Variants in KLRG1 observed in about 807,000 individuals in gnomAD.
KLRG1 encodes the protein killer cell lectin-like receptor subfamily G member 1.
A neutral mutation model predicts 21.8 loss-of-function variants in KLRG1; 16 were observed. The observed-to-expected ratio is 0.73, with a 90% CI of 0.50 to 1.11. The LOEUF (loss-of-function observed/expected upper bound fraction) is 1.11, where lower values mean the gene tolerates loss of function less well. Ranked by LOEUF, KLRG1 falls within the 50% of genes most tolerant of loss-of-function variation. The probability of loss-of-function intolerance (pLI) is 0.00; values close to 1 mark genes in which losing one functional copy is unlikely to be tolerated. For missense variants in KLRG1, 173 were observed against 218.3 expected, an observed-to-expected ratio of 0.79 and a Z score of 1.31; for synonymous variants, 69 against 75.9, an observed-to-expected ratio of 0.91 and a Z score of 0.47.
At chr12:9,110,447 ATAATT>A in the KLRG1 span, 1 of 562,334 alleles carries the variant, frequency 1.8e-6, no homozygotes, top group African/African-American at 2.0e-5. Context: ...ATAGTAAAAA[ATAATT>A]TAATTGTACA....
At chr12:8,964,730 T>C (rs1273200626) in intron 1 of KLRG1, among the ~76,000 whole-genome samples, 1 of 150,766 alleles carries the variant, frequency 6.6e-6, no homozygotes, top group African/African-American at 2.4e-5. Flanking sequence ...CTGTATTGGG[T>C]GCATATATAT....
chr12:8,965,995 G>A (rs1946464621), intron 1 of KLRG1, among the ~76,000 whole-genome samples: 1 of 152,130 alleles, frequency 6.6e-6, no homozygotes, highest in Non-Finnish European at 1.5e-5. Context: ...CAGAGATATA[G>A]ACCAATGGAA....
chr12:9,059,859 T>G, the KLRG1 span, among the ~76,000 whole-genome samples: 1 of 151,914 alleles, frequency 6.6e-6, no homozygotes, highest in Non-Finnish European at 1.5e-5. Context: ...TTTGTGTTTT[T>G]GGTAGAGATG....
the KLRG1 span, among the ~76,000 whole-genome samples, chr12:9,183,834 T>A: frequency 1.3e-5 from 2 of 152,222 alleles, no homozygotes; most frequent in South Asian, 4.1e-4. Flanking sequence ...TTTATATCAC[T>A]ATGTGTTTAT....
At chr12:9,044,648 C>G in the KLRG1 span, among the ~76,000 whole-genome samples, 1 of 151,526 alleles carries the variant, frequency 6.6e-6, no homozygotes, top group African/African-American at 2.4e-5. Flanking sequence ...GCCTGGGCAA[C>G]AGAGTGAGAT....
the KLRG1 span, among the ~76,000 whole-genome samples, chr12:9,071,981 G>T: frequency 6.6e-6 from 1 of 152,094 alleles, no homozygotes; most frequent in Admixed American, 6.5e-5. Context: ...ATTGCCAGTA[G>T]GAATTCTAAC....
At chr12:9,027,846 T>C in the KLRG1 span, 1 of 995,708 alleles carries the variant, frequency 1.0e-6, no homozygotes, top group African/African-American at 1.6e-5. Flanking sequence ...ACTACCAAAG[T>C]TGTCACTCCC....
chr12:9,090,466 T>A, the KLRG1 span: 2 of 1,613,940 alleles, frequency 1.2e-6, no homozygotes, highest in Non-Finnish European at 1.7e-6. Context: ...GGGAGAGGCT[T>A]CCAGCTGCAC....
At chr12:8,981,515 T>C (rs1362526548) in intron 1 of KLRG1, among the ~76,000 whole-genome samples, 2 of 152,096 alleles carry the variant, frequency 1.3e-5, no homozygotes, top group Non-Finnish European at 2.9e-5. Flanking sequence ...TACCCATGGG[T>C]TATTCTTCAA....
chr12:9,199,408 G>C, the KLRG1 span, among the ~76,000 whole-genome samples: 1 of 152,102 alleles, frequency 6.6e-6, no homozygotes, highest in East Asian at 1.9e-4. Context: ...ATTTCCTGGA[G>C]TGGAAATTTC....
At chr12:9,150,774 A>G in the KLRG1 span, 1 of 1,375,402 alleles carries the variant, frequency 7.3e-7, no homozygotes, top group Non-Finnish European at 1.0e-6. Flanking sequence ...AGTAATCAAG[A>G]ACCTAGAAAA....
the KLRG1 span, among the ~76,000 whole-genome samples, chr12:9,119,403 ATAAT>A: frequency 6.6e-6 from 1 of 152,156 alleles, no homozygotes; most frequent in African/African-American, 2.4e-5. Flanking sequence ...GTGAAATCAA[ATAAT>A]TGATTGATTT....
At chr12:8,978,657 T>TTTCC (rs1013033542) in intron 1 of KLRG1, among the ~76,000 whole-genome samples, 7 of 70,652 alleles carry the variant, frequency 9.9e-5, no homozygotes, top group African/African-American at 2.3e-4. Context: ...TCTTTCTTTC[T>TTTCC]TTCTTTCTTT....
chr12:8,955,913 A>G (rs1253669098), intron 1 of KLRG1, among the ~76,000 whole-genome samples: 1 of 151,998 alleles, frequency 6.6e-6, no homozygotes, highest in Non-Finnish European at 1.5e-5. Context: ...AACTCCCGCA[A>G]TGCCTTTTAG....
chr12:9,155,438 T>A, the KLRG1 span, among the ~76,000 whole-genome samples: 1 of 152,222 alleles, frequency 6.6e-6, no homozygotes, highest in African/African-American at 2.4e-5. Context: ...TCTTTCCTGC[T>A]AATTCAACTC....
chr12:9,165,257 G>A, the KLRG1 span: 5 of 1,614,202 alleles, frequency 3.1e-6, no homozygotes, highest in South Asian at 1.1e-5. Flanking sequence ...TCGGAGAGAG[G>A]CAGTGGAAGA....
the KLRG1 span, chr12:9,168,841 T>C: frequency 5.2e-6 from 8 of 1,536,050 alleles, no homozygotes; most frequent in Non-Finnish European, 7.2e-6. Context: ...GGACATGAAA[T>C]AAAATTAAAA....
chr12:8,998,868 T>C (rs928250098), intron 3 of KLRG1, among the ~76,000 whole-genome samples: 2 of 152,166 alleles, frequency 1.3e-5, no homozygotes, highest in African/African-American at 4.8e-5. Context: ...ATACAGAATG[T>C]ACATTGTATG....
At chr12:9,127,861 G>C in the KLRG1 span, 1 of 253,562 alleles carries the variant, frequency 3.9e-6, no homozygotes, top group Non-Finnish European at 8.0e-6. Flanking sequence ...ACTGGGCCCC[G>C]GGGCCCCGGC....
Sources: gnomAD v4.1 joint callset for allele counts (sites outside exome capture counted in the v4.1 genomes callset) on GRCh38, gnomAD v4.1.1 for gene constraint, MANE v1.5 for transcripts, NCBI Gene and HGNC (gene_info 2026-07-23, HGNC 2026-07-21) for gene names.